SMIM10L3: variants seen among roughly 807,000 people sequenced by gnomAD.
SMIM10L3 encodes the protein salivary gland specific protein SAGSIN1.
At chr7:6,346,917 G>A in the SMIM10L3 span, among the ~76,000 whole-genome samples, 1 of 152,168 alleles carries the variant, frequency 6.6e-6, no homozygotes, top group African/African-American at 2.4e-5. Flanking sequence ...ACTCCCCAAA[G>A]GAGGGTCCCT....
chr7:6,341,022 C>G, the SMIM10L3 span, among the ~76,000 whole-genome samples: 2 of 131,244 alleles, frequency 1.5e-5, no homozygotes, highest in Non-Finnish European at 3.2e-5. Flanking sequence ...TGGGAACCTA[C>G]AGTCCCAGCT....
the SMIM10L3 span, among the ~76,000 whole-genome samples, chr7:6,342,303 G>C: frequency 6.6e-6 from 1 of 152,032 alleles, no homozygotes; most frequent in South Asian, 2.1e-4. Context: ...CCAGCACTCT[G>C]GGAGGCCGAG....
the SMIM10L3 span, among the ~76,000 whole-genome samples, chr7:6,340,124 A>G: frequency 6.6e-6 from 1 of 151,852 alleles, no homozygotes; most frequent in African/African-American, 2.4e-5. Flanking sequence ...ACCTCAGGTG[A>G]TCCGCCCGCC....
chr7:6,340,098 T>G, the SMIM10L3 span, among the ~76,000 whole-genome samples: 2 of 152,042 alleles, frequency 1.3e-5, no homozygotes, highest in Non-Finnish European at 2.9e-5. Context: ...TTGACCAGGC[T>G]GGTCTCAAAC....
chr7:6,336,469 T>A, the SMIM10L3 span, among the ~76,000 whole-genome samples: 4 of 151,784 alleles, frequency 2.6e-5, no homozygotes, highest in East Asian at 5.8e-4. Context: ...TCTCTTGAGG[T>A]CAGGAGTTTG....
the SMIM10L3 span, among the ~76,000 whole-genome samples, chr7:6,333,592 G>C: frequency 6.6e-6 from 1 of 151,928 alleles, no homozygotes; most frequent in Non-Finnish European, 1.5e-5. Flanking sequence ...TGTAACTTCT[G>C]GGCTCAAGCA....
the SMIM10L3 span, among the ~76,000 whole-genome samples, chr7:6,342,707 A>G: frequency 6.6e-6 from 1 of 152,144 alleles, no homozygotes; most frequent in East Asian, 1.9e-4. Flanking sequence ...AGCAACCCAA[A>G]AGTCCAACAT....
At chr7:6,346,277 C>T in the SMIM10L3 span, among the ~76,000 whole-genome samples, 3 of 152,134 alleles carry the variant, frequency 2.0e-5, no homozygotes, top group Non-Finnish European at 2.9e-5. Context: ...GTTTTGACCC[C>T]TCTAATCAGG....
At chr7:6,333,669 T>C in the SMIM10L3 span, among the ~76,000 whole-genome samples, 1 of 151,300 alleles carries the variant, frequency 6.6e-6, no homozygotes, top group Non-Finnish European at 1.5e-5. Context: ...TGGCAAATTT[T>C]TTTTTTTTCA....
the SMIM10L3 span, among the ~76,000 whole-genome samples, chr7:6,344,331 C>T: frequency 6.6e-6 from 1 of 152,228 alleles, no homozygotes. Context: ...AGGTAAATAT[C>T]AAGGCCAAGA....
chr7:6,341,452 TAATA>T, the SMIM10L3 span, among the ~76,000 whole-genome samples: 1 of 138,502 alleles, frequency 7.2e-6, no homozygotes, highest in Admixed American at 7.5e-5. Context: ...AAAAAAATAA[TAATA>T]ATAATTATTA....
the SMIM10L3 span, among the ~76,000 whole-genome samples, chr7:6,332,141 G>A: frequency 6.6e-6 from 1 of 151,262 alleles, no homozygotes; most frequent in Admixed American, 6.6e-5. Flanking sequence ...TTGCGAAAAG[G>A]CTTTGAAATG....
the SMIM10L3 span, among the ~76,000 whole-genome samples, chr7:6,331,462 C>A: frequency 7.9e-5 from 12 of 151,308 alleles, no homozygotes; most frequent in East Asian, 2.0e-3. Context: ...CATGCCCAGC[C>A]GTATTAAGGT....
chr7:6,340,953 C>CCCTGTCT, the SMIM10L3 span, among the ~76,000 whole-genome samples: 1 of 117,770 alleles, frequency 8.5e-6, no homozygotes, highest in Non-Finnish European at 1.6e-5. Flanking sequence ...CATGGTGAAA[C>CCCTGTCT]CCTGTCTCTA....
At chr7:6,347,233 G>T in the SMIM10L3 span, among the ~76,000 whole-genome samples, 4 of 152,216 alleles carry the variant, frequency 2.6e-5, no homozygotes, top group Admixed American at 2.6e-4. Context: ...TCAGTCTCTT[G>T]GCTGGGCGCT....
chr7:6,342,825 C>T, the SMIM10L3 span, among the ~76,000 whole-genome samples: 1 of 151,696 alleles, frequency 6.6e-6, no homozygotes, highest in Non-Finnish European at 1.5e-5. Flanking sequence ...TTAGTTGAGG[C>T]CAGGAGTTCG....
At chr7:6,338,547 T>C in the SMIM10L3 span, 3 of 152,162 alleles carry the variant, frequency 2.0e-5, no homozygotes, top group East Asian at 1.9e-4. Context: ...CCACCAAAGA[T>C]GACAAAAGCT....
At chr7:6,346,885 C>A in the SMIM10L3 span, among the ~76,000 whole-genome samples, 1 of 152,154 alleles carries the variant, frequency 6.6e-6, no homozygotes, top group African/African-American at 2.4e-5. Context: ...CAGGGAGCAA[C>A]CCAAGGACCG....
the SMIM10L3 span, among the ~76,000 whole-genome samples, chr7:6,346,164 A>G: frequency 6.6e-6 from 1 of 151,872 alleles, no homozygotes; most frequent in African/African-American, 2.4e-5. Context: ...CTGGGCCCCT[A>G]TTTTCGAAGG....
Sources: allele counts gnomAD v4.1 joint callset (sites outside exome capture counted in the v4.1 genomes callset), GRCh38; gene constraint gnomAD v4.1.1; transcripts MANE v1.5; gene names NCBI Gene and HGNC (gene_info 2026-07-23, HGNC 2026-07-21).